The following ZNF793 variants were observed in gnomAD, a reference collection of about 807,000 sequenced individuals.
ZNF793 encodes zinc finger protein 793.
ZNF793 carries 5 observed loss-of-function variants against 12.4 expected under a neutral mutation model. That is an observed-to-expected ratio of 0.40 (90% CI 0.21 to 0.84). The LOEUF (loss-of-function observed/expected upper bound fraction) is 0.84, where lower values mean the gene tolerates loss of function less well. ZNF793 is among the 40% of genes least tolerant of loss of function. The probability of loss-of-function intolerance (pLI) is 0.35; values close to 1 mark genes in which losing one functional copy is unlikely to be tolerated. For missense variants in ZNF793, 456 were observed against 495.0 expected (o/e 0.92, Z 0.75); for synonymous variants, 162 against 172.4 (o/e 0.94, Z 0.47).
At chr19:37,527,856 C>T (rs987662452) in intron 5 of ZNF793, among the ~76,000 whole-genome samples, 3 of 152,070 alleles carry the variant, frequency 2.0e-5, no homozygotes, top group East Asian at 3.9e-4. Context: ...CAGTGGCTCA[C>T]GCCTGTAATC....
intron 2 of ZNF793, among the ~76,000 whole-genome samples, chr19:37,512,463 C>T (rs957026106): frequency 7.2e-5 from 11 of 152,034 alleles, no homozygotes; most frequent in Middle Eastern, 3.4e-3. Flanking sequence ...TGCAGTGAGC[C>T]GAGATCACGC....
At chr19:37,510,350 CAAA>C (rs766159707) in intron 2 of ZNF793, among the ~76,000 whole-genome samples, 1 of 123,508 alleles carries the variant, frequency 8.1e-6, no homozygotes. Context: ...ACTAAAACTA[CAAA>C]AAAAAAAAAA....
At chr19:37,533,513 C>A in intron 7 of ZNF793, 110 bp downstream of exon 7, 1 of 880,712 alleles carries the variant, frequency 1.1e-6, no homozygotes, top group Non-Finnish European at 1.8e-6. Flanking sequence ...GAGCTTCAGC[C>A]ACGTTAATGA....
At chr19:37,515,651 T>C (rs1191680831) in intron 2 of ZNF793, among the ~76,000 whole-genome samples, 1 of 152,110 alleles carries the variant, frequency 6.6e-6, no homozygotes, top group East Asian at 1.9e-4. Flanking sequence ...AGGATGAAAA[T>C]ATGCCATTTA....
rs540846913 is a variant in ZNF793 at position 37,517,838 on chromosome 19, T to C, written c.-275-2346T>C. Among the ~76,000 whole-genome samples the C allele has an allele frequency of 2.6e-4, 39 of 152,298 alleles. 2 individuals carry two copies. In the South Asian group the frequency reaches 7.9e-3, roughly 31 times the overall value. On this transcript the variant is annotated intron_variant, in intron 2 of 7. Coordinates refer to ENST00000627814, the MANE Select transcript of ZNF793 (RefSeq NM_001013659.3). The stretch of plus-strand genomic sequence containing the variant: ...TCTTCCTGTGTGTGCTTGTTTTGAT[T>C]TGTCATTATTGTACATTTTGTTATT...
rs1031086120 is a variant in ZNF793, at chr19:37,542,180, G to A, written c.*4301G>A. Reference sequence around the variant, plus strand: ...GGCCGAGGCAGGCAAATTGTCTGAGGTCGGGAGTTCGAGAACAGCCTGGCC... The same window carrying A: ...GGCCGAGGCAGGCAAATTGTCTGAGATCGGGAGTTCGAGAACAGCCTGGCC... On this transcript the variant is annotated 3_prime_UTR_variant, in exon 8 of 8. Coordinates refer to ENST00000627814, the MANE Select transcript of ZNF793 (RefSeq NM_001013659.3). 6.2e-6 allele frequency: 1 copy of A among 161,102 alleles called. No homozygotes were observed. 10.0% of individuals were successfully genotyped at this position (161,102 alleles called of 1,614,324 possible).
rs1201323408 is a variant in ZNF793, at chr19:37,539,238, A to G, written c.*1359A>G. The G allele has an allele frequency of 6.6e-6, 1 of 152,222 alleles. No individual in the cohort carries two copies. Among genetic ancestry groups the G allele is most frequent in the Non-Finnish European group, 1.5e-5 (1 of 68,020 alleles). 9.4% of individuals were successfully genotyped at this position (152,222 alleles called of 1,614,324 possible). ...ACAAAATGTAGTGTCACCCTGGTGT[A>G]CAGTACACTGTTCATATTTTCTTAG... On this transcript the variant is annotated 3_prime_UTR_variant, in exon 8 of 8. Coordinates refer to ENST00000627814, the MANE Select transcript of ZNF793 (RefSeq NM_001013659.3).
chr19:37,510,661 G>A (rs2042286822), intron 2 of ZNF793, among the ~76,000 whole-genome samples: 1 of 150,778 alleles, frequency 6.6e-6, no homozygotes, highest in Admixed American at 6.6e-5. Context: ...CCTAGCCTGG[G>A]TGACAGAGTG....
rs2042536909 is a variant in ZNF793 at position 37,539,392 on chromosome 19, C to G, written c.*1513C>G. The G allele has an allele frequency of 1.3e-5, 2 of 152,180 alleles. No individual in the cohort carries two copies. The highest frequency in any genetic ancestry group is 4.8e-5 in the African/African-American group (2 of 41,462). The allele number at this position is 152,180 out of a possible 1,614,324, so 9.4% of individuals were successfully genotyped here. ...ACCACTGAAGGAGAATTTCTTTTCT[C>G]TCTATCCCTCTGCAAATTAATTCAA... On this transcript the variant is annotated 3_prime_UTR_variant, in exon 8 of 8. Coordinates refer to ENST00000627814, the MANE Select transcript of ZNF793 (RefSeq NM_001013659.3).
At chr19:37,518,770 G>A (rs1271229321) in intron 2 of ZNF793, among the ~76,000 whole-genome samples, 2 of 148,386 alleles carry the variant, frequency 1.3e-5, no homozygotes, top group Non-Finnish European at 3.0e-5. Context: ...CTGTACTCCA[G>A]CCTATCTCAA....
intron 5 of ZNF793, among the ~76,000 whole-genome samples, chr19:37,530,169 C>T (rs1003681345): frequency 3.9e-5 from 6 of 152,320 alleles, no homozygotes; most frequent in South Asian, 2.1e-4. Context: ...TTGTTGCCCG[C>T]ATGTCCCACC....
intron 4 of ZNF793, 103 bp downstream of exon 4, chr19:37,522,750 G>A (rs893837652): frequency 6.6e-6 from 1 of 152,166 alleles, no homozygotes; most frequent in Non-Finnish European, 1.5e-5. Context: ...CAGAAGGGAT[G>A]TTGTACCCTT....
chr19:37,510,030 T>A (rs1160394479), intron 2 of ZNF793, among the ~76,000 whole-genome samples: 1 of 152,066 alleles, frequency 6.6e-6, no homozygotes, highest in Non-Finnish European at 1.5e-5. Context: ...TTGAGATAAT[T>A]TCATTTATAT....
In ZNF793 at chr19:37,539,800, G is replaced by C. The variant is rs1011471670; in HGVS notation, c.*1921G>C. 27 of 152,128 alleles carry C rather than the reference G, an allele frequency of 1.8e-4. No individual in the cohort carries two copies. The highest frequency in any genetic ancestry group is 5.8e-4 in the African/African-American group (24 of 41,426). 9.4% of individuals were successfully genotyped at this position (152,128 alleles called of 1,614,324 possible). ...AGTTAACATTGAAAAACTCAAAAAAGCTATTAAAGATCTATAATGGGAAAA... is the reference window on the plus strand; with the variant it reads ...AGTTAACATTGAAAAACTCAAAAAACCTATTAAAGATCTATAATGGGAAAA... On this transcript the variant is annotated 3_prime_UTR_variant, in exon 8 of 8. Coordinates refer to ENST00000627814, the MANE Select transcript of ZNF793 (RefSeq NM_001013659.3).
At chr19:37,511,354 A>T (rs992195467) in intron 2 of ZNF793, among the ~76,000 whole-genome samples, 7 of 152,184 alleles carry the variant, frequency 4.6e-5, no homozygotes, top group Non-Finnish European at 8.8e-5. Context: ...ATTTTGTTTG[A>T]AATTCTGAAA....
In ZNF793 at chr19:37,539,759, G is replaced by GA. The variant is rs1179758874; in HGVS notation, c.*1884dup. 3.9e-5 allele frequency: 6 copies of GA among 152,264 alleles called. No individual in the cohort carries two copies. Among genetic ancestry groups the GA allele is most frequent in the African/African-American group, 1.2e-4 (5 of 41,570 alleles). 9.4% of individuals were successfully genotyped at this position (152,264 alleles called of 1,614,324 possible). On this transcript the variant is annotated 3_prime_UTR_variant, in exon 8 of 8. Transcript: ENST00000627814. The stretch of plus-strand genomic sequence containing the variant: ...GTTATGAAAACTGCAATAAGAAGTA[G>GA]AAAACTTGGTAGGATAGTTAACATT...
At position 37,542,521 on chromosome 19, in the gene ZNF793, G is replaced by T; in HGVS notation, c.*4642G>T. 1 of 358,676 alleles carries T rather than the reference G, an allele frequency of 2.8e-6. No individual in the cohort carries two copies. The allele number at this position is 358,676 out of a possible 1,614,324, so 22.2% of individuals were successfully genotyped here. On this transcript the variant is annotated 3_prime_UTR_variant, in exon 8 of 8. Coordinates refer to ENST00000627814, the MANE Select transcript of ZNF793 (RefSeq NM_001013659.3). Reference sequence around the variant, plus strand: ...GAACATGTGAACATGGACATTTATTGTAAAAATTGTTCTTAATGGCAAAAA... The same window carrying T: ...GAACATGTGAACATGGACATTTATTTTAAAAATTGTTCTTAATGGCAAAAA...
intron 2 of ZNF793, among the ~76,000 whole-genome samples, chr19:37,513,321 G>A (rs2042307601): frequency 6.6e-6 from 1 of 152,138 alleles, no homozygotes; most frequent in Non-Finnish European, 1.5e-5. Flanking sequence ...GTTACCAAAT[G>A]GTGATTTTCC....
rs1254573359 is a variant in ZNF793 at position 37,538,420 on chromosome 19, ACAGGCACCTGCC to A, written c.*542_*553del. ...CTCAGCCTCCCAAGTAGCTGGGATT[ACAGGCACCTGCC>A]ACCACGCCTGGCTAATTTTTGTATT... On this transcript the variant is annotated 3_prime_UTR_variant, in exon 8 of 8. Transcript: ENST00000627814. 6.6e-6 allele frequency: 1 copy of A among 152,446 alleles called. No homozygotes were observed. Among genetic ancestry groups the A allele is most frequent in the Non-Finnish European group, 1.5e-5 (1 of 68,306 alleles). 9.4% of individuals were successfully genotyped at this position (152,446 alleles called of 1,614,324 possible). A position where few individuals can be genotyped will look rare whatever the true frequency, so the allele number is the denominator to read the frequency against.
Sources: gnomAD v4.1 joint callset for allele counts (sites outside exome capture counted in the v4.1 genomes callset) on GRCh38, gnomAD v4.1.1 for gene constraint, MANE v1.5 for transcripts, NCBI Gene and HGNC (gene_info 2026-07-23, HGNC 2026-07-21) for gene names.